The following IL1RAPL2 variants were observed in gnomAD, a reference collection of about 807,000 sequenced individuals.
IL1RAPL2 encodes X-linked interleukin-1 receptor accessory protein-like 2.
IL1RAPL2 carries 3 observed loss-of-function variants against 44.1 expected under a neutral mutation model. The ratio of observed to expected loss-of-function variants is 0.07; its 90% CI spans 0.03 to 0.18. The LOEUF (loss-of-function observed/expected upper bound fraction) is 0.18. IL1RAPL2 is among the 10% of genes least tolerant of loss of function. IL1RAPL2 has a pLI of 1.00. For synonymous variants in IL1RAPL2, 181 were observed against 178.8 expected (o/e 1.01, Z -0.10); for missense variants, 391 against 496.4 (o/e 0.79, Z 2.02).
At chrX:105,016,797 A>G (rs2031187371) in intron 2 of IL1RAPL2, among the ~76,000 whole-genome samples, 1 of 111,256 alleles carries the variant, frequency 9.0e-6, no homozygotes. Context: ...TCTCTCTGCC[A>G]GGTTTTGGTA....
intron 6 of IL1RAPL2, among the ~76,000 whole-genome samples, chrX:105,583,917 C>A (rs1321532240): frequency 1.8e-5 from 2 of 111,745 alleles, no homozygotes; most frequent in Admixed American, 1.9e-4. Flanking sequence ...ATCATACAAA[C>A]CTTGACATGT....
chrX:105,207,202 T>C (rs1556153127), intron 3 of IL1RAPL2, among the ~76,000 whole-genome samples: 14 of 111,040 alleles, frequency 1.3e-4, no homozygotes, highest in Non-Finnish European at 2.6e-4. Context: ...AACAAATATT[T>C]ATTGAGTACC....
intron 7 of IL1RAPL2, among the ~76,000 whole-genome samples, chrX:105,731,729 G>A (rs1343072611): frequency 2.7e-5 from 3 of 110,671 alleles, no homozygotes; most frequent in Non-Finnish European, 5.7e-5. Context: ...TATGTAGGAA[G>A]TAAAAAAAAT....
At chrX:105,012,643 T>TCACACA (rs1191223168) in intron 2 of IL1RAPL2, among the ~76,000 whole-genome samples, 1 of 61,337 alleles carries the variant, frequency 1.6e-5, no homozygotes, top group African/African-American at 7.7e-5. Context: ...TCTCTCTCTC[T>TCACACA]CTCACACACA....
At chrX:105,571,674 A>G (rs1045692748) in intron 6 of IL1RAPL2, among the ~76,000 whole-genome samples, 7 of 111,352 alleles carry the variant, frequency 6.3e-5, no homozygotes, top group Admixed American at 9.5e-5. Flanking sequence ...CTTGATAATA[A>G]TTTATTTTTA....
intron 2 of IL1RAPL2, among the ~76,000 whole-genome samples, chrX:104,747,332 C>T (rs5962980): frequency 0.026 from 2,916 of 111,252 alleles, 90 homozygotes; most frequent in African/African-American, 0.091. Context: ...CTTCCTCCTT[C>T]CCTCCTCCCT....
chrX:105,447,366 TATAAATATATAAATATATAA>T (rs2035972932), intron 5 of IL1RAPL2, among the ~76,000 whole-genome samples: 11 of 65,809 alleles, frequency 1.7e-4, no homozygotes, highest in African/African-American at 6.7e-4. Flanking sequence ...AATATATAAA[TATAAATATATAAATATATAA>T]ATATAAATAT....
At chrX:105,642,061 G>A (rs1478151913) in intron 6 of IL1RAPL2, among the ~76,000 whole-genome samples, 1 of 110,579 alleles carries the variant, frequency 9.0e-6, no homozygotes, top group East Asian at 2.9e-4. Context: ...CCCTACTGAC[G>A]AAGAAGGGCA....
At chrX:105,019,539 G>C (rs1225683171) in intron 2 of IL1RAPL2, among the ~76,000 whole-genome samples, 1 of 111,547 alleles carries the variant, frequency 9.0e-6, no homozygotes, top group African/African-American at 3.2e-5. Flanking sequence ...TAGATACTCT[G>C]TTCTTGAAAC....
chrX:105,605,013 C>T (rs1160310966), intron 6 of IL1RAPL2, among the ~76,000 whole-genome samples: 1 of 110,340 alleles, frequency 9.1e-6, no homozygotes, highest in South Asian at 3.8e-4. Context: ...CCATATATGA[C>T]AAACCTACCC....
chrX:105,191,278 C>G (rs1045923644), intron 2 of IL1RAPL2, among the ~76,000 whole-genome samples: 1 of 112,724 alleles, frequency 8.9e-6, no homozygotes, highest in Non-Finnish European at 1.9e-5. Context: ...TGCAATGGCA[C>G]GATCTCAGCT....
At chrX:105,404,566 C>A (rs2035628764) in intron 5 of IL1RAPL2, among the ~76,000 whole-genome samples, 2 of 111,287 alleles carry the variant, frequency 1.8e-5, no homozygotes, top group Admixed American at 1.9e-4. Context: ...AGGGATGAGG[C>A]ACATTTATTC....
At chrX:105,037,503 C>G (rs888229724) in intron 2 of IL1RAPL2, among the ~76,000 whole-genome samples, 1 of 110,923 alleles carries the variant, frequency 9.0e-6, no homozygotes, top group Non-Finnish European at 1.9e-5. Context: ...CATTAAGCAC[C>G]TTCTATGTGC....
Position 104,589,880 on chromosome X carries a change from T to A in IL1RAPL2, c.-20+22829T>A, listed in dbSNP as rs182560419. Among the ~76,000 whole-genome samples the A allele has an allele frequency of 7.1e-5, 8 of 112,027 alleles. No homozygotes were observed. In the East Asian group the frequency reaches 2.3e-3, roughly 32 times the overall value. On this transcript the variant is annotated intron_variant, in intron 1 of 10. Transcript: ENST00000372582. ...TTGTTCCTAGAGTGAAATAAAAGACTCAGTGAAATTTTAACAAGTTAGCAT... is the reference window on the plus strand; with the variant it reads ...TTGTTCCTAGAGTGAAATAAAAGACACAGTGAAATTTTAACAAGTTAGCAT...
chrX:105,433,717 T>G (rs1246573889), intron 5 of IL1RAPL2, among the ~76,000 whole-genome samples: 1 of 111,305 alleles, frequency 9.0e-6, no homozygotes, highest in Non-Finnish European at 1.9e-5. Context: ...TGACCAGAGA[T>G]TACAGTTGTG....
chrX:105,402,711 T>C (rs1385916839), intron 5 of IL1RAPL2, among the ~76,000 whole-genome samples: 1 of 111,487 alleles, frequency 9.0e-6, no homozygotes. Context: ...TTAGGGTGCG[T>C]TAAAAATATT....
intron 2 of IL1RAPL2, among the ~76,000 whole-genome samples, chrX:105,031,639 G>A (rs186579261): frequency 1.2e-4 from 13 of 111,527 alleles, no homozygotes; most frequent in Non-Finnish European, 2.4e-4. Flanking sequence ...TGCTGGATTC[G>A]GATTGCCAGT....
intron 5 of IL1RAPL2, among the ~76,000 whole-genome samples, chrX:105,301,144 A>G (rs896388825): frequency 8.9e-6 from 1 of 111,936 alleles, no homozygotes; most frequent in African/African-American, 3.2e-5. Context: ...CCAAATAAAA[A>G]TCAGTAGGAC....
At chrX:105,414,033 A>T (rs13440763) in intron 5 of IL1RAPL2, among the ~76,000 whole-genome samples, 10,668 of 112,427 alleles carry the variant, frequency 0.095, 1,256 homozygotes, top group African/African-American at 0.33. Context: ...TGTTACTTTT[A>T]AAATATTTGT....
Sources: gnomAD v4.1 joint callset for allele counts (sites outside exome capture counted in the v4.1 genomes callset) on GRCh38, gnomAD v4.1.1 for gene constraint, MANE v1.5 for transcripts, NCBI Gene and HGNC (gene_info 2026-07-23, HGNC 2026-07-21) for gene names.